GSAP: variants seen among roughly 807,000 people sequenced by gnomAD.
GSAP encodes the protein gamma-secretase-activating protein.
A neutral mutation model predicts 131.7 loss-of-function variants in GSAP; 118 were observed. The observed-to-expected ratio is 0.90, with a 90% CI of 0.77 to 1.04. GSAP has a LOEUF of 1.04. Ranked by LOEUF, GSAP falls within the 50% of genes least tolerant of loss-of-function variation. GSAP has a pLI of 0.00. For synonymous variants in GSAP, 381 were observed against 363.4 expected, an observed-to-expected ratio of 1.05 and a Z score of -0.55; for missense variants, 1,019 against 1,013.2, an observed-to-expected ratio of 1.01 and a Z score of -0.08.
At chr7:77,415,661 C>T (rs1175357945) in intron 1 of GSAP, 1 of 152,256 alleles carries the variant, frequency 6.6e-6, no homozygotes, top group Non-Finnish European at 1.5e-5. Context: ...GCCTCACCGC[C>T]GAGGCCCATG....
chr7:77,331,677 C>T (rs1789176746), intron 19 of GSAP: 1 of 152,078 alleles, frequency 6.6e-6, no homozygotes, highest in South Asian at 2.1e-4. Context: ...AATATTAAAA[C>T]TTGCTCTTTC....
chr7:77,312,880 G>A (rs944646450), intron 28 of GSAP, among the ~76,000 whole-genome samples: 6 of 152,178 alleles, frequency 3.9e-5, no homozygotes, highest in African/African-American at 1.4e-4. Flanking sequence ...TTAGAGGCTC[G>A]GAAGACCTTG....
chr7:77,376,501 C>T (rs926238359), intron 10 of GSAP, among the ~76,000 whole-genome samples: 9 of 152,152 alleles, frequency 5.9e-5, no homozygotes, highest in South Asian at 2.1e-4. Flanking sequence ...ATAGGCTGGG[C>T]GCAGTGGCTC....
chr7:77,374,159 A>T lies in GSAP; in HGVS notation c.786-4T>A, dbSNP rs1796514298. The T allele has an allele frequency of 2.1e-6, 3 of 1,458,846 alleles. No individual in the cohort carries two copies. In the South Asian group the frequency reaches 3.6e-5, roughly 17 times the overall value. 90.4% of individuals were successfully genotyped at this position (1,458,846 alleles called of 1,614,324 possible). ...ATCACATCCAAAGTTGACAAGTCTA[A>T]GAACATAAAGAATGAGAAATTATTG... On this transcript the variant is annotated splice_region_variant and splice_polypyrimidine_tract_variant and intron_variant, in intron 11 of 30. Coordinates refer to ENST00000257626, the MANE Select transcript of GSAP (RefSeq NM_017439.4).
chr7:77,353,262 T>C (rs1405819641), intron 17 of GSAP, among the ~76,000 whole-genome samples: 2 of 152,048 alleles, frequency 1.3e-5, no homozygotes, highest in Non-Finnish European at 2.9e-5. Flanking sequence ...TATCATTTCA[T>C]ACGAAACCAG....
intron 5 of GSAP, among the ~76,000 whole-genome samples, chr7:77,389,991 T>C (rs898249179): frequency 1.1e-4 from 16 of 152,246 alleles, no homozygotes; most frequent in African/African-American, 3.9e-4. Flanking sequence ...TGGTGTGAGA[T>C]AGTATCTCAT....
At chr7:77,337,640 T>A (rs1375544105) in intron 19 of GSAP, among the ~76,000 whole-genome samples, 2 of 152,154 alleles carry the variant, frequency 1.3e-5, no homozygotes, top group Non-Finnish European at 2.9e-5. Context: ...AGCAGTAAGT[T>A]TTTGTCCTTC....
At chr7:77,386,140 C>G (rs951186491) in intron 6 of GSAP, among the ~76,000 whole-genome samples, 1 of 152,026 alleles carries the variant, frequency 6.6e-6, no homozygotes, top group African/African-American at 2.4e-5. Flanking sequence ...CCCAAAAGAT[C>G]AAAATCCCAA....
chr7:77,351,465 A>G (rs2150842200), intron 18 of GSAP: 1 of 974,774 alleles, frequency 1.0e-6, no homozygotes, highest in Admixed American at 6.2e-5. Flanking sequence ...AAAATAAATG[A>G]TTTGCATCAC....
chr7:77,357,087 T>C (rs1025862925), intron 14 of GSAP, among the ~76,000 whole-genome samples: 1 of 152,190 alleles, frequency 6.6e-6, no homozygotes, highest in Non-Finnish European at 1.5e-5. Flanking sequence ...AACTAGTTAA[T>C]TAGGATGGCA....
Position 77,365,419 on chromosome 7 carries a change from T to C in GSAP, c.872-2759A>G, listed in dbSNP as rs1464203070. On this transcript the variant is annotated intron_variant, in intron 12 of 30. Coordinates refer to ENST00000257626, the MANE Select transcript of GSAP (RefSeq NM_017439.4). ...ACTCTCAAGAAGACCCCAGTGTCTG[T>C]TGTTCCCTTGTGTTCAGGAGTTCTC... Among the ~76,000 whole-genome samples the C allele has an allele frequency of 3.3e-5, 5 of 152,170 alleles. No individual in the cohort carries two copies. The East Asian group carries it at 7.7e-4, about 23-fold the overall frequency.
At chr7:77,355,456 ATCAGCAAATAG>A in intron 15 of GSAP, 26 bp from the exon 16 acceptor site, 2 of 1,518,234 alleles carry the variant, frequency 1.3e-6, no homozygotes, top group South Asian at 2.3e-5. Flanking sequence ...AAAACAGTAG[ATCAGCAAATAG>A]AAGAAACTCC....
rs79342360 is a variant in GSAP, at chr7:77,385,979, A to C, written c.456+1381T>G. ...AGCACTGTGTGAACACACACAGTTC[A>C]TTCAAATTATTTGCAGTAGTTATGT... On this transcript the variant is annotated intron_variant, in intron 6 of 30. Transcript: ENST00000257626. Among the ~76,000 whole-genome samples, 9 of 152,358 alleles carry C rather than the reference A, an allele frequency of 5.9e-5. No homozygotes were observed. In the East Asian group the frequency reaches 1.7e-3, roughly 29 times the overall value.
At chr7:77,415,670 T>C (rs1021308143) in intron 1 of GSAP, 2 of 152,130 alleles carry the variant, frequency 1.3e-5, no homozygotes, top group Non-Finnish European at 1.5e-5. Context: ...CCGAGGCCCA[T>C]GTCCCCTGAG....
chr7:77,331,474 T>C (rs1308844430), intron 19 of GSAP, among the ~76,000 whole-genome samples: 2 of 152,152 alleles, frequency 1.3e-5, no homozygotes, highest in African/African-American at 4.8e-5. Context: ...AAGTGAACTA[T>C]TGCCTGCCAA....
intron 3 of GSAP, among the ~76,000 whole-genome samples, chr7:77,400,340 G>C (rs1199621058): frequency 6.6e-6 from 1 of 151,878 alleles, no homozygotes; most frequent in Non-Finnish European, 1.5e-5. Flanking sequence ...CACTGGGATG[G>C]TGTCCAAGGT....
rs1791840785 is a variant in GSAP at position 77,346,281 on chromosome 7, AAAAAAAAAAGAAAGAAAG to A, written c.1545+3052_1545+3069del. On this transcript the variant is annotated intron_variant, in intron 19 of 30. Transcript: ENST00000257626. ...ATGAGACTCCATCTCAAAAAAAAAA[AAAAAAAAAAGAAAGAAAG>A]AAAAAAAATTCTCTGCAACATTATT... 2.0e-5 allele frequency among the ~76,000 whole-genome samples: 3 copies of A among 150,932 alleles called. No homozygotes were observed. The South Asian group carries it at 6.2e-4, about 31-fold the overall frequency.
intron 23 of GSAP, 23 bp from the exon 24 acceptor site, chr7:77,323,765 A>G (rs771479053): frequency 1.2e-5 from 14 of 1,184,814 alleles, no homozygotes; most frequent in Admixed American, 1.8e-5. Flanking sequence ...TATGCATTAA[A>G]TAAGTCACAG....
At chr7:77,337,352 C>T (rs1790175497) in intron 19 of GSAP, among the ~76,000 whole-genome samples, 1 of 151,754 alleles carries the variant, frequency 6.6e-6, no homozygotes, top group African/African-American at 2.4e-5. Context: ...TTTTTGTATT[C>T]TCTGTAGAGA....
Sources: gnomAD v4.1 joint callset for allele counts (sites outside exome capture counted in the v4.1 genomes callset) on GRCh38, gnomAD v4.1.1 for gene constraint, MANE v1.5 for transcripts, NCBI Gene and HGNC (gene_info 2026-07-23, HGNC 2026-07-21) for gene names.